Variants in IQCK observed in about 807,000 individuals in gnomAD.
IQCK encodes IQ motif containing K.
IQCK carries 29 observed loss-of-function variants against 28.1 expected under a neutral mutation model. That is an observed-to-expected ratio of 1.03 (90% CI 0.77 to 1.41). The LOEUF is 1.41. Ranked by LOEUF, IQCK falls within the 40% of genes most tolerant of loss-of-function variation. The pLI is 0.00. For synonymous variants in IQCK, 113 were observed against 115.1 expected (o/e 0.98, Z 0.12); for missense variants, 359 against 314.7 (o/e 1.14, Z -1.07).
At chr16:19,810,486 G>A (rs1319758411) in intron 7 of IQCK, among the ~76,000 whole-genome samples, 5 of 142,508 alleles carry the variant, frequency 3.5e-5, no homozygotes, top group Non-Finnish European at 7.5e-5. Flanking sequence ...GACAGAGTGA[G>A]ACTCCGTCTC....
intron 9 of IQCK, among the ~76,000 whole-genome samples, chr16:19,836,148 C>T (rs2056293799): frequency 6.6e-6 from 1 of 152,178 alleles, no homozygotes; most frequent in South Asian, 2.1e-4. Flanking sequence ...ACCATGGCTC[C>T]TTCAGAAGAA....
chr16:19,828,950 ATTAT>A (rs1047315339), downstream of IQCK, among the ~76,000 whole-genome samples: 1 of 142,818 alleles, frequency 7.0e-6, no homozygotes, highest in African/African-American at 2.5e-5. Context: ...TAATTATTTA[ATTAT>A]TTAAATTATA....
At chr16:19,840,563 T>G (rs2056353188) in intron 9 of IQCK, among the ~76,000 whole-genome samples, 1 of 152,248 alleles carries the variant, frequency 6.6e-6, no homozygotes, top group African/African-American at 2.4e-5. Context: ...AGTGTTTGTT[T>G]ACATTCATTG....
intron 6 of IQCK, among the ~76,000 whole-genome samples, chr16:19,764,994 C>T (rs1193391170): frequency 1.1e-4 from 16 of 142,596 alleles, no homozygotes; most frequent in South Asian, 2.4e-4. Context: ...CCACCGTGCC[C>T]GGCGGATCAC....
At chr16:19,785,064 C>G (rs1196908481) in intron 6 of IQCK, among the ~76,000 whole-genome samples, 1 of 152,212 alleles carries the variant, frequency 6.6e-6, no homozygotes, top group Non-Finnish European at 1.5e-5. Context: ...AGCCACGGCG[C>G]CCCGCCTCAA....
chr16:19,828,891 A>G (rs1301705708), downstream of IQCK, among the ~76,000 whole-genome samples: 3 of 140,004 alleles, frequency 2.1e-5, no homozygotes, highest in Non-Finnish European at 4.5e-5. Context: ...TATAAAATAT[A>G]TATTATATAT....
intron 6 of IQCK, among the ~76,000 whole-genome samples, chr16:19,764,787 T>G (rs1176774098): frequency 1.3e-5 from 2 of 148,688 alleles, no homozygotes; most frequent in East Asian, 4.1e-4. Flanking sequence ...ACCTCCCGGG[T>G]TCATGCCATT....
intron 1 of IQCK, among the ~76,000 whole-genome samples, chr16:19,725,198 A>C (rs113645547): frequency 0.052 from 7,865 of 152,182 alleles, 670 homozygotes; most frequent in African/African-American, 0.18. Context: ...GATTTAAAAA[A>C]ATTTTTTTTT....
At chr16:19,845,753 G>A (rs867478871) in intron 9 of IQCK, among the ~76,000 whole-genome samples, 35 of 152,188 alleles carry the variant, frequency 2.3e-4, no homozygotes, top group African/African-American at 8.0e-4. Flanking sequence ...CAGTTTTTCT[G>A]CAGTAACTGC....
At chr16:19,824,371 A>G (rs1421648816) in intron 7 of IQCK, among the ~76,000 whole-genome samples, 1 of 152,186 alleles carries the variant, frequency 6.6e-6, no homozygotes, top group African/African-American at 2.4e-5. Flanking sequence ...GGTGGAGCTC[A>G]GGTGGTAATG....
intron 6 of IQCK, among the ~76,000 whole-genome samples, chr16:19,764,714 G>T (rs1314638919): frequency 7.0e-6 from 1 of 142,016 alleles, no homozygotes. Flanking sequence ...TTTTTGAGAC[G>T]GAGTCTTGCT....
chr16:19,768,951 G>A (rs754180405), intron 6 of IQCK, among the ~76,000 whole-genome samples: 3 of 152,164 alleles, frequency 2.0e-5, no homozygotes, highest in Non-Finnish European at 2.9e-5. Context: ...AGTCTCCCAT[G>A]AGGTTGTAGT....
At chr16:19,856,640 TAAC>T in exon 10 of IQCK, 1 of 1,027,818 alleles carries the variant, frequency 9.7e-7, no homozygotes, top group Non-Finnish European at 1.5e-6. Context: ...GTGATTTCTT[TAAC>T]AAGACTTGGA....
chr16:19,761,432 G>A (rs2055141116), intron 4 of IQCK: 1 of 455,580 alleles, frequency 2.2e-6, no homozygotes. Context: ...TACAGAGCAG[G>A]CTAGGGAGGG....
At chr16:19,747,112 C>T (rs1377076044) in intron 4 of IQCK, among the ~76,000 whole-genome samples, 2 of 152,296 alleles carry the variant, frequency 1.3e-5, no homozygotes, top group Middle Eastern at 3.4e-3. Flanking sequence ...ACCCCTATCT[C>T]TGCCAGCAAA....
exon 10 of IQCK, chr16:19,857,936 A>G (rs1170650601): frequency 6.5e-6 from 1 of 152,808 alleles, no homozygotes; most frequent in African/African-American, 2.4e-5. Context: ...AAAAGGGGGG[A>G]CAAGAGTGGC....
At chr16:19,739,763 C>G (rs2054806191) in intron 4 of IQCK, among the ~76,000 whole-genome samples, 1 of 152,078 alleles carries the variant, frequency 6.6e-6, no homozygotes, top group South Asian at 2.1e-4. Flanking sequence ...TGCAGTGAAC[C>G]ATGATGGCGC....
At chr16:19,724,606 G>A (rs749273770) in intron 1 of IQCK, among the ~76,000 whole-genome samples, 14 of 152,118 alleles carry the variant, frequency 9.2e-5, no homozygotes, top group Admixed American at 5.2e-4. Flanking sequence ...TCGGCTCACT[G>A]CAAGCTCCGC....
intron 9 of IQCK, among the ~76,000 whole-genome samples, chr16:19,852,047 T>C (rs1003999087): frequency 6.6e-6 from 1 of 152,220 alleles, no homozygotes; most frequent in Admixed American, 6.5e-5. Flanking sequence ...TACTTCTGTA[T>C]CTGGAACAGG....
Sources: gnomAD v4.1 joint callset for allele counts (sites outside exome capture counted in the v4.1 genomes callset) on GRCh38, gnomAD v4.1.1 for gene constraint, MANE v1.5 for transcripts, NCBI Gene and HGNC (gene_info 2026-07-23, HGNC 2026-07-21) for gene names.